Variants in APAF1 observed in about 807,000 individuals in gnomAD.
APAF1 encodes apoptotic protease-activating factor 1.
Under a neutral mutation model 152.4 loss-of-function variants are expected in APAF1, and 91 were observed. The ratio of observed to expected loss-of-function variants is 0.60; its 90% CI spans 0.50 to 0.71. The LOEUF (loss-of-function observed/expected upper bound fraction) is 0.71. Ranked by LOEUF, APAF1 falls within the 30% of genes least tolerant of loss-of-function variation. The probability of loss-of-function intolerance (pLI) is 0.00; values close to 1 mark genes in which losing one functional copy is unlikely to be tolerated. For synonymous variants in APAF1, 484 were observed against 494.1 expected (o/e 0.98, Z 0.27); for missense variants, 1,283 against 1,472.0 (o/e 0.87, Z 2.10).
intron 5 of APAF1, among the ~76,000 whole-genome samples, chr12:98,662,089 T>G (rs1469091558): frequency 6.6e-6 from 1 of 151,908 alleles, no homozygotes; most frequent in African/African-American, 2.4e-5. Context: ...AGTTCTAGTT[T>G]GGTTTTGGTG....
intron 18 of APAF1, 130 bp downstream of exon 18, chr12:98,703,629 C>A: frequency 2.7e-6 from 3 of 1,101,150 alleles, no homozygotes; most frequent in Non-Finnish European, 4.0e-6. Context: ...TCTTTATAGC[C>A]TAATGACCTC....
chr12:98,695,055 A>AT (rs200022669), intron 16 of APAF1, among the ~76,000 whole-genome samples: 2 of 148,884 alleles, frequency 1.3e-5, no homozygotes, highest in African/African-American at 2.5e-5. Flanking sequence ...TTTTTCTTGC[A>AT]TTTTTTTTCC....
At chr12:98,707,183 T>A (rs997621708) in intron 19 of APAF1, among the ~76,000 whole-genome samples, 20 of 152,188 alleles carry the variant, frequency 1.3e-4, no homozygotes, top group Non-Finnish European at 2.1e-4. Context: ...TATATACTTC[T>A]GTTTCTGCCA....
chr12:98,659,561 G>T (rs1487555406), intron 5 of APAF1, among the ~76,000 whole-genome samples: 1 of 152,054 alleles, frequency 6.6e-6, no homozygotes, highest in Non-Finnish European at 1.5e-5. Context: ...AGACCAGCCT[G>T]ACTAACATGG....
chr12:98,695,543 A>G lies in APAF1; in HGVS notation c.2305-3865A>G, dbSNP rs140202028. Among the ~76,000 whole-genome samples, 468 of 152,208 alleles carry G rather than the reference A, an allele frequency of 3.1e-3. 4 individuals carry two copies. Among genetic ancestry groups the G allele is most frequent in the African/African-American group, 0.011 (448 of 41,530 alleles). On this transcript the variant is annotated intron_variant, in intron 16 of 26. Transcript: ENST00000551964. ...CCATGCCTGGCTAGAAGAAATTTTA[A>G]TCTCCTATTTGTAGGATATGACTCT...
intron 26 of APAF1, 75 bp downstream of exon 26, chr12:98,727,391 T>C: frequency 6.4e-7 from 1 of 1,550,478 alleles, no homozygotes; most frequent in Non-Finnish European, 8.8e-7. Flanking sequence ...CACTTCCTGT[T>C]TCTCAGTTGG....
At chr12:98,716,801 C>T (rs115296011) in intron 22 of APAF1, among the ~76,000 whole-genome samples, 110 of 152,174 alleles carry the variant, frequency 7.2e-4, no homozygotes, top group African/African-American at 2.5e-3. Context: ...GATGTTAGAT[C>T]TCCCGGACTG....
chr12:98,729,324 C>T (rs1035724305), intron 26 of APAF1, among the ~76,000 whole-genome samples: 2 of 152,084 alleles, frequency 1.3e-5, no homozygotes, highest in East Asian at 1.9e-4. Flanking sequence ...AAGTGGGGAG[C>T]GGGGAATGGT....
chr12:98,697,569 T>C (rs1333296015), intron 16 of APAF1, among the ~76,000 whole-genome samples: 2 of 152,180 alleles, frequency 1.3e-5, no homozygotes, highest in African/African-American at 2.4e-5. Context: ...TCCGTATTCA[T>C]GTATGAGTAT....
intron 12 of APAF1, among the ~76,000 whole-genome samples, chr12:98,676,914 G>A (rs1041892764): frequency 1.3e-5 from 2 of 152,192 alleles, no homozygotes; most frequent in African/African-American, 2.4e-5. Flanking sequence ...CAAAGTGCTA[G>A]GATTACAGGC....
chr12:98,708,650 G>GT lies in APAF1; in HGVS notation c.2790dup (p.Gln931SerfsTer4), dbSNP rs754625181. On this transcript the variant is annotated frameshift_variant, in exon 20 of 27. Transcript: ENST00000551964. LOFTEE classifies it high-confidence loss of function. ...TGTTAAAGCAAGAAGTAGATGTTGT[G>GT]TTTCAAGAAAATGAAGTGATGGTCC... 1 of 1,613,812 alleles carries GT rather than the reference G, an allele frequency of 6.2e-7. No individual in the cohort carries two copies.
At chr12:98,728,094 A>G (rs1383984165) in intron 26 of APAF1, among the ~76,000 whole-genome samples, 1 of 152,158 alleles carries the variant, frequency 6.6e-6, no homozygotes, top group Non-Finnish European at 1.5e-5. Flanking sequence ...ATCTTGGGGA[A>G]GCTTTGGTGA....
At chr12:98,689,706 C>T (rs981421789) in intron 16 of APAF1, among the ~76,000 whole-genome samples, 1 of 152,198 alleles carries the variant, frequency 6.6e-6, no homozygotes, top group Non-Finnish European at 1.5e-5. Context: ...GATCCTCCCA[C>T]TTTGGTCTCC....
intron 19 of APAF1, among the ~76,000 whole-genome samples, chr12:98,707,735 C>A (rs2097723244): frequency 7.0e-6 from 1 of 142,770 alleles, no homozygotes; most frequent in Non-Finnish European, 1.6e-5. Context: ...CTAATTCTCA[C>A]AATAGTCCCT....
At chr12:98,704,875 G>C (rs910880264) in intron 18 of APAF1, among the ~76,000 whole-genome samples, 3 of 152,202 alleles carry the variant, frequency 2.0e-5, no homozygotes, top group African/African-American at 7.2e-5. Flanking sequence ...CACCTCCCGG[G>C]TTCAAGCTAT....
chr12:98,702,512 A>AT (rs1160407310), intron 17 of APAF1, among the ~76,000 whole-genome samples: 1 of 152,152 alleles, frequency 6.6e-6, no homozygotes, highest in Admixed American at 6.5e-5. Flanking sequence ...TATATTCAGC[A>AT]TTTATAAATC....
chr12:98,703,771 C>A (rs2097718339), intron 18 of APAF1, among the ~76,000 whole-genome samples: 1 of 152,140 alleles, frequency 6.6e-6, no homozygotes, highest in Admixed American at 6.5e-5. Flanking sequence ...ACTGGGAAAA[C>A]AATGGAATGA....
intron 4 of APAF1, among the ~76,000 whole-genome samples, chr12:98,657,240 A>G (rs1246996548): frequency 2.0e-5 from 3 of 152,236 alleles, no homozygotes; most frequent in Non-Finnish European, 4.4e-5. Flanking sequence ...CATTGATTCC[A>G]GAATATCCTC....
intron 26 of APAF1, among the ~76,000 whole-genome samples, chr12:98,729,321 G>A (rs2097756486): frequency 6.6e-6 from 1 of 152,210 alleles, no homozygotes; most frequent in African/African-American, 2.4e-5. Flanking sequence ...AGGAAGTGGG[G>A]AGCGGGGAAT....
Sources: allele counts gnomAD v4.1 joint callset (sites outside exome capture counted in the v4.1 genomes callset), GRCh38; gene constraint gnomAD v4.1.1; transcripts MANE v1.5; gene names NCBI Gene and HGNC (gene_info 2026-07-23, HGNC 2026-07-21).